Variants in PTK2 observed in about 807,000 individuals in gnomAD.
PTK2 encodes the protein protein tyrosine kinase 2.
PTK2 carries 45 observed loss-of-function variants against 150.1 expected under a neutral mutation model. That is an observed-to-expected ratio of 0.30 (90% CI 0.24 to 0.38). The LOEUF (loss-of-function observed/expected upper bound fraction) is 0.38, where lower values mean the gene tolerates loss of function less well. Ranked by LOEUF, PTK2 falls within the 10% of genes least tolerant of loss-of-function variation. The pLI is 1.00. For synonymous variants in PTK2, 432 were observed against 449.2 expected, an observed-to-expected ratio of 0.96 and a Z score of 0.48; for missense variants, 919 against 1,307.3, an observed-to-expected ratio of 0.70 and a Z score of 4.58.
chr8:140,741,454 C>CA (rs1229663935), intron 20 of PTK2, among the ~76,000 whole-genome samples: 19 of 120,504 alleles, frequency 1.6e-4, no homozygotes, highest in Non-Finnish European at 2.3e-4. Context: ...GACTCTGTCT[C>CA]AAAAAAAAAA....
intron 1 of PTK2, among the ~76,000 whole-genome samples, chr8:140,991,961 G>A (rs2100195859): frequency 6.6e-6 from 1 of 151,770 alleles, no homozygotes; most frequent in Non-Finnish European, 1.5e-5. Context: ...GCGCACTCCA[G>A]CAAGACCCGG....
At chr8:140,771,992 T>G (rs1423161814) in intron 14 of PTK2, among the ~76,000 whole-genome samples, 1 of 151,978 alleles carries the variant, frequency 6.6e-6, no homozygotes, top group African/African-American at 2.4e-5. Flanking sequence ...TTTCACCATG[T>G]TGGCTAGGTT....
chr8:140,870,407 C>T (rs1383497777), intron 4 of PTK2, among the ~76,000 whole-genome samples: 2 of 152,094 alleles, frequency 1.3e-5, no homozygotes, highest in Non-Finnish European at 2.9e-5. Flanking sequence ...TATCAGTAAA[C>T]ATGAATGAAT....
intron 7 of PTK2, among the ~76,000 whole-genome samples, chr8:140,832,183 T>C (rs934475801): frequency 2.6e-5 from 4 of 152,168 alleles, no homozygotes; most frequent in African/African-American, 7.2e-5. Flanking sequence ...GTATCCCAAG[T>C]AGCTGGGTTT....
intron 2 of PTK2, among the ~76,000 whole-genome samples, chr8:140,918,796 T>C (rs2100166290): frequency 6.6e-6 from 1 of 152,254 alleles, no homozygotes; most frequent in Non-Finnish European, 1.5e-5. Flanking sequence ...TGGTTTAGAA[T>C]GTCTAACTGC....
intron 15 of PTK2, among the ~76,000 whole-genome samples, chr8:140,762,947 A>C (rs911248590): frequency 6.6e-6 from 1 of 152,076 alleles, no homozygotes; most frequent in African/African-American, 2.4e-5. Flanking sequence ...CGCCTGCCTA[A>C]TTTATTTTGT....
intron 19 of PTK2, 74 bp downstream of exon 22, chr8:140,744,578 G>T: frequency 1.1e-6 from 1 of 908,212 alleles, no homozygotes; most frequent in Admixed American, 2.4e-5. Context: ...GTCCAAAGAC[G>T]GTCCAAATGG....
At chr8:140,677,771 AT>A (rs999709677) in intron 27 of PTK2, among the ~76,000 whole-genome samples, 42 of 152,202 alleles carry the variant, frequency 2.8e-4, no homozygotes, top group African/African-American at 4.1e-4. Flanking sequence ...ATATCAACTT[AT>A]TTTTGTGTAG....
intron 26 of PTK2, among the ~76,000 whole-genome samples, chr8:140,690,093 C>T (rs577601539): frequency 6.6e-6 from 1 of 152,316 alleles, no homozygotes; most frequent in African/African-American, 2.4e-5. Flanking sequence ...GCTGGGACTA[C>T]AGGCGTCCGC....
intron 8 of PTK2, among the ~76,000 whole-genome samples, chr8:140,828,863 G>T (rs1020570819): frequency 1.3e-5 from 2 of 152,064 alleles, no homozygotes; most frequent in African/African-American, 4.8e-5. Flanking sequence ...TAACTCTCTC[G>T]AAGGACACAA....
intron 2 of PTK2, chr8:140,921,000 CA>C: frequency 7.7e-7 from 1 of 1,301,396 alleles, no homozygotes; most frequent in Non-Finnish European, 9.7e-7. Context: ...GATCCACAAG[CA>C]AGACTAAGGT....
chr8:140,794,796 T>C (rs2100090658), intron 12 of PTK2, among the ~76,000 whole-genome samples: 1 of 152,146 alleles, frequency 6.6e-6, no homozygotes, highest in Non-Finnish European at 1.5e-5. Flanking sequence ...CTCATACAGT[T>C]TCAAAGCGTC....
chr8:140,907,908 T>C (rs956300443), intron 2 of PTK2, among the ~76,000 whole-genome samples: 2 of 140,490 alleles, frequency 1.4e-5, no homozygotes, highest in African/African-American at 4.9e-5. Flanking sequence ...ATACTGAAAT[T>C]AGGCCAATTA....
chr8:140,738,904 T>C (rs951344555), intron 21 of PTK2, 114 bp downstream of exon 24: 1 of 546,186 alleles, frequency 1.8e-6, no homozygotes, highest in African/African-American at 1.9e-5. Flanking sequence ...GATGAGGAGA[T>C]GATCAGGTTA....
intron 4 of PTK2, among the ~76,000 whole-genome samples, chr8:140,875,501 T>C (rs2100144959): frequency 6.6e-6 from 1 of 151,960 alleles, no homozygotes; most frequent in South Asian, 2.1e-4. Context: ...CAGAAGGAGA[T>C]AAGGACTGTG....
chr8:140,941,030 C>T (rs1603433876), intron 1 of PTK2, among the ~76,000 whole-genome samples: 1 of 151,998 alleles, frequency 6.6e-6, no homozygotes, highest in East Asian at 1.9e-4. Context: ...AACAATCACA[C>T]ACATAAATTC....
At chr8:140,972,764 T>C (rs2100187791) in intron 1 of PTK2, among the ~76,000 whole-genome samples, 2 of 152,218 alleles carry the variant, frequency 1.3e-5, no homozygotes, top group African/African-American at 2.4e-5. Flanking sequence ...TTCCGCACAC[T>C]GGTAGAGTTA....
chr8:140,862,067 T>C (rs2100136502), intron 5 of PTK2, among the ~76,000 whole-genome samples: 1 of 152,180 alleles, frequency 6.6e-6, no homozygotes, highest in Admixed American at 6.5e-5. Context: ...TATAGGAAAG[T>C]CTTCCAACAA....
intron 14 of PTK2, among the ~76,000 whole-genome samples, chr8:140,777,437 C>G (rs1490459655): frequency 1.3e-5 from 2 of 152,220 alleles, no homozygotes; most frequent in Non-Finnish European, 2.9e-5. Flanking sequence ...AAAGGAACGG[C>G]CCACGCCATT....
Sources: allele counts gnomAD v4.1 joint callset (sites outside exome capture counted in the v4.1 genomes callset), GRCh38; gene constraint gnomAD v4.1.1; transcripts MANE v1.5; gene names NCBI Gene and HGNC (gene_info 2026-07-23, HGNC 2026-07-21).